Variants in AFAP1 observed in about 807,000 individuals in gnomAD.
AFAP1 encodes actin filament associated protein 1.
A neutral mutation model predicts 93.9 loss-of-function variants in AFAP1; 75 were observed. The observed-to-expected ratio is 0.80, with a 90% CI of 0.66 to 0.97. The LOEUF is 0.97. Ranked by LOEUF, AFAP1 falls within the 50% of genes least tolerant of loss-of-function variation. The pLI is 0.00. For missense variants in AFAP1, 1,201 were observed against 1,050.8 expected (o/e 1.14, Z -1.98); for synonymous variants, 517 against 430.7 (o/e 1.20, Z -2.48).
chr4:7,898,808 A>AGTGTGTGTGTGTGTGTGTGTGTGTGT (rs56404898), intron 1 of AFAP1, among the ~76,000 whole-genome samples: 2 of 137,026 alleles, frequency 1.5e-5, no homozygotes, highest in African/African-American at 5.4e-5. Context: ...GGGCAGTAGA[A>AGTGTGTGTGTGTGTGTGTGTGTGTGT]GTGTGTGTGT....
At position 7,842,947 on chromosome 4, in the gene AFAP1, C is replaced by G. The variant is rs557587452; in HGVS notation, c.546+192G>C. ...TGGGAAACCGGCAACCTTGAACACA[C>G]AACACGGGCGAGTGCTCCCTGATGG... On this transcript the variant is annotated intron_variant, in intron 5 of 17. Transcript: ENST00000420658. The G allele has an allele frequency of 1.2e-5, 7 of 600,736 alleles. No homozygotes were observed. In the East Asian group the frequency reaches 2.0e-4, roughly 17 times the overall value. 37.2% of individuals were successfully genotyped at this position (600,736 alleles called of 1,614,324 possible). A position where few individuals can be genotyped will look rare whatever the true frequency, so the allele number is the denominator to read the frequency against.
At chr4:7,803,026 G>T (rs761729755) in intron 9 of AFAP1, among the ~76,000 whole-genome samples, 1 of 152,150 alleles carries the variant, frequency 6.6e-6, no homozygotes, top group Non-Finnish European at 1.5e-5. Flanking sequence ...TGGGAACCAC[G>T]TGCTCGCCAT....
chr4:7,858,202 G>A (rs1436275118), intron 3 of AFAP1, among the ~76,000 whole-genome samples: 1 of 152,174 alleles, frequency 6.6e-6, no homozygotes, highest in East Asian at 1.9e-4. Flanking sequence ...TACATAAAAG[G>A]TGAGTGTTTG....
intron 12 of AFAP1, among the ~76,000 whole-genome samples, chr4:7,782,561 G>C (rs1158738186): frequency 6.6e-6 from 1 of 152,204 alleles, no homozygotes; most frequent in African/African-American, 2.4e-5. Flanking sequence ...ATGGGACAGA[G>C]GAATCTGAGA....
In AFAP1 at chr4:7,781,365, A is replaced by G; in HGVS notation, c.1782+11T>C. 4 of 1,550,796 alleles carry G rather than the reference A, an allele frequency of 2.6e-6. No individual in the cohort carries two copies. The highest frequency in any genetic ancestry group is 3.5e-6 in the Non-Finnish European group (4 of 1,146,260). On this transcript the variant is annotated intron_variant, in intron 13 of 17. Transcript: ENST00000420658. ...GGTGGTTCTAGAATCTTACAGAAGA[A>G]GATGCCGTACCTGCGAGTTGAGCCC...
intron 9 of AFAP1, among the ~76,000 whole-genome samples, chr4:7,804,106 A>C (rs1238673492): frequency 2.0e-5 from 3 of 150,574 alleles, no homozygotes; most frequent in Admixed American, 6.6e-5. Flanking sequence ...ATATTCTCCC[A>C]ATCTGACACC....
intron 13 of AFAP1, among the ~76,000 whole-genome samples, chr4:7,780,540 C>T (rs1018650843): frequency 1.3e-5 from 2 of 152,148 alleles, no homozygotes; most frequent in Non-Finnish European, 2.9e-5. Flanking sequence ...AAGCTGGGCA[C>T]GGTGGCATGT....
chr4:7,777,023 C>T (rs1355163173), intron 14 of AFAP1: 2 of 152,162 alleles, frequency 1.3e-5, no homozygotes, highest in East Asian at 1.9e-4. Flanking sequence ...AAACTCCCTA[C>T]AGAACATCCC....
chr4:7,852,063 A>C (rs534115236), intron 4 of AFAP1, among the ~76,000 whole-genome samples: 18 of 152,170 alleles, frequency 1.2e-4, no homozygotes, highest in Non-Finnish European at 2.4e-4. Context: ...AATAGGTCAA[A>C]ATAATTTTTT....
At chr4:7,831,678 ATACT>A (rs1577265337) in intron 6 of AFAP1, among the ~76,000 whole-genome samples, 1 of 152,176 alleles carries the variant, frequency 6.6e-6, no homozygotes, top group East Asian at 1.9e-4. Context: ...TGTGCAGGAA[ATACT>A]TAACTAACTG....
At chr4:7,887,624 A>C (rs1277177818) in intron 1 of AFAP1, among the ~76,000 whole-genome samples, 1 of 152,232 alleles carries the variant, frequency 6.6e-6, no homozygotes, top group African/African-American at 2.4e-5. Flanking sequence ...AATCATTTTT[A>C]TATTACTATT....
intron 1 of AFAP1, among the ~76,000 whole-genome samples, chr4:7,921,968 C>CA (rs1347445505): frequency 6.6e-6 from 1 of 152,154 alleles, no homozygotes; most frequent in Non-Finnish European, 1.5e-5. Flanking sequence ...ACTAAAAATA[C>CA]AAAAATTATC....
intron 1 of AFAP1, among the ~76,000 whole-genome samples, chr4:7,889,735 A>C (rs1245179975): frequency 6.6e-6 from 1 of 150,674 alleles, no homozygotes; most frequent in Non-Finnish European, 1.5e-5. Flanking sequence ...ATGAAAGAAA[A>C]GGAAAAAAGC....
chr4:7,842,845 T>C (rs1296528122), intron 5 of AFAP1: 3 of 346,958 alleles, frequency 8.6e-6, no homozygotes, highest in Non-Finnish European at 1.6e-5. Context: ...GTTAAAATCT[T>C]GTGCATTTCC....
rs756961714 is a variant in AFAP1, at chr4:7,834,128, C to CACACACACACACACACACAT, written c.726+4395_726+4396insATGTGTGTGTGTGTGTGTGT. Among the ~76,000 whole-genome samples, 413 of 119,426 alleles carry CACACACACACACACACACAT rather than the reference C, an allele frequency of 3.5e-3. 3 individuals are homozygous for CACACACACACACACACACAT. Among genetic ancestry groups the CACACACACACACACACACAT allele is most frequent in the Middle Eastern group, 8.0e-3 (2 of 250 alleles). The allele number at this position is 119,426 out of a possible 152,430, so 78.3% of individuals were successfully genotyped here. A position where few individuals can be genotyped will look rare whatever the true frequency, so the allele number is the denominator to read the frequency against. Reference sequence around the variant, plus strand: ...ACACACACACACACACACACACACACATATATACAATGGAATACTACTCAG... The same window carrying CACACACACACACACACACAT: ...ACACACACACACACACACACACACACACACACACACACACACACATATATATACAATGGAATACTACTCAG... On this transcript the variant is annotated intron_variant, in intron 6 of 17. Transcript: ENST00000420658.
At chr4:7,864,368 G>C (rs989309168) in intron 3 of AFAP1, among the ~76,000 whole-genome samples, 1 of 152,150 alleles carries the variant, frequency 6.6e-6, no homozygotes, top group Admixed American at 6.5e-5. Context: ...CCCACAATAA[G>C]CAAATTCTCT....
intron 1 of AFAP1, among the ~76,000 whole-genome samples, chr4:7,933,186 C>A (rs1437935048): frequency 2.0e-5 from 3 of 152,024 alleles, no homozygotes; most frequent in Admixed American, 6.6e-5. Flanking sequence ...CCTGTGACTA[C>A]GTCACACGGC....
intron 6 of AFAP1, among the ~76,000 whole-genome samples, chr4:7,821,542 G>A (rs35672467): frequency 0.16 from 24,039 of 152,166 alleles, 2,436 homozygotes; most frequent in Non-Finnish European, 0.23. Flanking sequence ...CACGGGGGAC[G>A]TGCAGCAAAT....
intron 17 of AFAP1, 68 bp downstream of exon 17, chr4:7,768,776 C>T (rs1050639451): frequency 6.8e-7 from 1 of 1,474,266 alleles, no homozygotes; most frequent in Non-Finnish European, 9.0e-7. Flanking sequence ...CCTACTCACA[C>T]CCGAGAATGC....
Sources: allele counts gnomAD v4.1 joint callset (sites outside exome capture counted in the v4.1 genomes callset), GRCh38; gene constraint gnomAD v4.1.1; transcripts MANE v1.5; gene names NCBI Gene and HGNC (gene_info 2026-07-23, HGNC 2026-07-21).